NPSR1: variants seen among roughly 807,000 people sequenced by gnomAD.
The protein encoded by NPSR1 is neuropeptide S receptor.
Under a neutral mutation model 46.9 loss-of-function variants are expected in NPSR1, and 48 were observed. The observed-to-expected ratio is 1.02, with a 90% CI of 0.81 to 1.30. NPSR1 has a LOEUF of 1.30. Among genes scored for constraint, NPSR1 ranks in the 50% most tolerant of loss-of-function variants. The pLI is 0.00. For missense variants in NPSR1, 450 were observed against 449.5 expected (o/e 1.00, Z -0.01); for synonymous variants, 176 against 168.1 (o/e 1.05, Z -0.36).
intron 3 of NPSR1, among the ~76,000 whole-genome samples, chr7:34,781,444 A>T (rs1787226245): frequency 1.3e-5 from 2 of 152,124 alleles, no homozygotes; most frequent in Admixed American, 1.3e-4. Flanking sequence ...ACATAGAAAG[A>T]ATTGCTGGTG....
In NPSR1 at chr7:34,742,171, CT is replaced by C. The variant is rs61342932; in HGVS notation, c.281-36279del. ...ATGTGCTATTCTCTCAATCTCTCTC[CT>C]TTTTTTTTTTTAGGTTTGGGGGTGC... On this transcript the variant is annotated intron_variant, in intron 2 of 8. Coordinates refer to ENST00000360581, the MANE Select transcript of NPSR1 (RefSeq NM_207172.2). Among the ~76,000 whole-genome samples the C allele has an allele frequency of 3.0e-3, 437 of 145,636 alleles. 1 individual carries two copies. Among genetic ancestry groups the C allele is most frequent in the Middle Eastern group, 7.1e-3 (2 of 282 alleles).
At chr7:34,748,673 C>T (rs770103011) in intron 2 of NPSR1, among the ~76,000 whole-genome samples, 24 of 152,060 alleles carry the variant, frequency 1.6e-4, no homozygotes, top group Non-Finnish European at 2.9e-4. Context: ...AATGAGTTCA[C>T]CAGTTTGATT....
intron 8 of NPSR1, chr7:34,878,007 T>C (rs1319821891): frequency 1.2e-6 from 1 of 853,144 alleles, no homozygotes; most frequent in Admixed American, 2.2e-5. Flanking sequence ...GGTCACACAT[T>C]CCTTCCTTTT....
chr7:34,728,054 AT>A (rs201589300), intron 2 of NPSR1, among the ~76,000 whole-genome samples: 124 of 146,796 alleles, frequency 8.4e-4, no homozygotes, highest in African/African-American at 1.6e-3. Flanking sequence ...AACTGCCTTT[AT>A]TTTTTTTTTT....
At chr7:34,671,944 C>T (rs1247474604) in intron 1 of NPSR1, among the ~76,000 whole-genome samples, 1 of 152,120 alleles carries the variant, frequency 6.6e-6, no homozygotes, top group Non-Finnish European at 1.5e-5. Context: ...ATTAGCACCT[C>T]CAGAACAGAA....
intron 8 of NPSR1, among the ~76,000 whole-genome samples, chr7:34,877,854 C>A (rs1791613816): frequency 6.6e-6 from 1 of 152,062 alleles, no homozygotes; most frequent in Admixed American, 6.5e-5. Flanking sequence ...GGCAGCAGGG[C>A]CCAGCCCTTA....
At position 34,844,976 on chromosome 7, in the gene NPSR1, A is replaced by G; in HGVS notation, c.838A>G (p.Ile280Val). ...GGCTATCAAGTATAGCATCATCATC[A>G]TTCTTGGTAAGCAATGTCCCTCCTT... is the stretch of plus-strand genomic sequence containing the variant. ...IKAIKYSIII[I>V]LAFICCWSPY... is the part of the protein sequence containing the mutation. The change falls in exon 7 of 9, where the codon ATT becomes GTT. Residue 280 changes from isoleucine to valine, a missense_variant. Transcript: ENST00000360581. The G allele has an allele frequency of 6.2e-7, 1 of 1,609,232 alleles. No homozygotes were observed. The highest frequency in any genetic ancestry group is 8.5e-7 in the Non-Finnish European group (1 of 1,175,542).
chr7:34,750,660 C>A, intron 2 of NPSR1: 1 of 696,368 alleles, frequency 1.4e-6, no homozygotes, highest in Non-Finnish European at 2.7e-6. Flanking sequence ...TTGCCCATAA[C>A]TGACAAAAAA....
rs1302901135 is a variant in NPSR1, at chr7:34,720,742, G to T, written c.280+36058G>T. On this transcript the variant is annotated intron_variant, in intron 2 of 8. Coordinates refer to ENST00000360581, the MANE Select transcript of NPSR1 (RefSeq NM_207172.2). The stretch of plus-strand genomic sequence containing the variant: ...AAACTTGGAGTTGGCCTGGAGCTTT[G>T]ACCTGCCTCCAGATGCATGTCAGGA... Among the ~76,000 whole-genome samples the T allele has an allele frequency of 2.0e-5, 3 of 152,186 alleles. No individual in the cohort carries two copies. The East Asian group carries it at 5.8e-4, about 29-fold the overall frequency.
At chr7:34,837,593 A>G (rs866664892) in intron 6 of NPSR1, among the ~76,000 whole-genome samples, 4 of 152,204 alleles carry the variant, frequency 2.6e-5, no homozygotes, top group Admixed American at 6.5e-5. Flanking sequence ...CTAAACAGTA[A>G]ATGGGTTAAT....
chr7:34,752,874 T>G (rs946824459), intron 2 of NPSR1, among the ~76,000 whole-genome samples: 1 of 152,204 alleles, frequency 6.6e-6, no homozygotes, highest in South Asian at 2.1e-4. Flanking sequence ...GAACAGGCAC[T>G]CTGTGAAGCC....
At chr7:34,735,520 C>T (rs1257181696) in intron 2 of NPSR1, among the ~76,000 whole-genome samples, 3 of 152,116 alleles carry the variant, frequency 2.0e-5, no homozygotes, top group Middle Eastern at 3.2e-3. Flanking sequence ...TATGCCTTCC[C>T]TCCAAAGAAT....
intron 4 of NPSR1, among the ~76,000 whole-genome samples, chr7:34,813,452 C>T (rs567467679): frequency 3.3e-5 from 5 of 152,190 alleles, no homozygotes; most frequent in African/African-American, 9.6e-5. Flanking sequence ...CTAGCTCCAG[C>T]GCCCTCAAAT....
intron 3 of NPSR1, among the ~76,000 whole-genome samples, chr7:34,784,927 T>C (rs1462613053): frequency 6.6e-6 from 1 of 152,106 alleles, no homozygotes; most frequent in Admixed American, 6.6e-5. Context: ...TTTTACACTG[T>C]TGGCAGAACT....
intron 3 of NPSR1, among the ~76,000 whole-genome samples, chr7:34,792,138 C>T (rs1480061612): frequency 1.3e-5 from 2 of 151,960 alleles, no homozygotes; most frequent in Non-Finnish European, 2.9e-5. Context: ...GGAAATGTTC[C>T]TTGACATTTC....
intron 2 of NPSR1, among the ~76,000 whole-genome samples, chr7:34,771,503 G>A (rs34280252): frequency 6.6e-6 from 1 of 152,104 alleles, no homozygotes; most frequent in African/African-American, 2.4e-5. Flanking sequence ...AGGAGCAAAA[G>A]CAACTTCTGT....
intron 8 of NPSR1, among the ~76,000 whole-genome samples, chr7:34,866,820 GAA>G: frequency 6.6e-6 from 1 of 151,608 alleles, no homozygotes; most frequent in East Asian, 1.9e-4. Context: ...GTTACAGTTA[GAA>G]AAAAAAGTTT....
At chr7:34,824,818 C>T (rs1789744190) in intron 4 of NPSR1, among the ~76,000 whole-genome samples, 1 of 152,110 alleles carries the variant, frequency 6.6e-6, no homozygotes, top group African/African-American at 2.4e-5. Flanking sequence ...GCACAGGGGG[C>T]AGCTACTAAT....
intron 3 of NPSR1, among the ~76,000 whole-genome samples, chr7:34,783,048 G>C (rs1192016848): frequency 6.6e-6 from 1 of 151,988 alleles, no homozygotes; most frequent in Admixed American, 6.6e-5. Flanking sequence ...AATTTGTGAA[G>C]TGAAAAACAG....
Sources: gnomAD v4.1 joint callset for allele counts (sites outside exome capture counted in the v4.1 genomes callset) on GRCh38, gnomAD v4.1.1 for gene constraint, MANE v1.5 for transcripts, NCBI Gene and HGNC (gene_info 2026-07-23, HGNC 2026-07-21) for gene names.